PEX1: variants seen among roughly 807,000 people sequenced by gnomAD.
PEX1 encodes peroxisomal ATPase PEX1.
In PEX1, 97 loss-of-function variants were observed where a neutral mutation model predicts 152.5. The observed-to-expected ratio is 0.64, with a 90% CI of 0.54 to 0.75. PEX1 has a LOEUF of 0.75. PEX1 is among the 30% of genes least tolerant of loss of function. PEX1 has a pLI of 0.00. For missense variants in PEX1, 1,357 were observed against 1,516.3 expected, an observed-to-expected ratio of 0.89 and a Z score of 1.74; for synonymous variants, 485 against 531.6, an observed-to-expected ratio of 0.91 and a Z score of 1.21.
At chr7:92,517,207 T>G (rs1013341229) in intron 5 of PEX1, 69 bp downstream of exon 5, 16 of 1,171,728 alleles carry the variant, frequency 1.4e-5, no homozygotes, top group Non-Finnish European at 1.3e-6. Flanking sequence ...TGAAATACTA[T>G]TCTAATTCAT....
chr7:92,522,634 T>A (rs1793101448), intron 1 of PEX1, among the ~76,000 whole-genome samples: 1 of 152,232 alleles, frequency 6.6e-6, no homozygotes, highest in Non-Finnish European at 1.5e-5. Context: ...TCTATGATAG[T>A]GAACACTTGA....
chr7:92,514,014 T>C (rs2116221970), intron 5 of PEX1, 47 bp from the exon 6 acceptor site: 6 of 1,227,716 alleles, frequency 4.9e-6, no homozygotes, highest in African/African-American at 3.0e-5. Context: ...CAAAGCTTGG[T>C]TAAGAAATAT....
chr7:92,499,663 A>G, intron 16 of PEX1, 41 bp downstream of exon 16: 1 of 1,543,534 alleles, frequency 6.5e-7, no homozygotes, highest in South Asian at 1.1e-5. Flanking sequence ...ATTTATGTTA[A>G]TTTTACCTAA....
intron 5 of PEX1, among the ~76,000 whole-genome samples, chr7:92,516,325 G>T (rs890890487): frequency 6.6e-6 from 1 of 152,084 alleles, no homozygotes; most frequent in Non-Finnish European, 1.5e-5. Context: ...TACTCAGGAG[G>T]CTGAGGCAGG....
chr7:92,503,502 T>C (rs1792034613), intron 12 of PEX1, among the ~76,000 whole-genome samples: 1 of 152,202 alleles, frequency 6.6e-6, no homozygotes, highest in Non-Finnish European at 1.5e-5. Context: ...TAAAAATTTG[T>C]CTCTGAAATA....
In PEX1 at chr7:92,494,565, C is replaced by G; in HGVS notation, c.2848G>C (p.Gly950Arg). 1 of 1,613,896 alleles carries G rather than the reference C, an allele frequency of 6.2e-7. No individual in the cohort carries two copies. The highest frequency in any genetic ancestry group is 8.5e-7 in the Non-Finnish European group (1 of 1,179,854). ...DEFESIAPRR[G>R]HDNTGVTDRV... ...TCTGTAACTCCTGTATTATCATGAC[C>G]CCGCCGAGGAGCAATGGATTCAAAT... The change falls in exon 18 of 24, where the codon GGT becomes CGT. Residue 950 changes from glycine (G) to arginine (R), a missense_variant. By Grantham distance (125) the Gly-to-Arg change is moderately radical (BLOSUM62 -2). Coordinates refer to ENST00000248633, the MANE Select transcript of PEX1 (RefSeq NM_000466.3).
At chr7:92,493,735 G>C (rs2116086015) in intron 19 of PEX1, 1 of 153,744 alleles carries the variant, frequency 6.5e-6, no homozygotes, top group Admixed American at 6.5e-5. Context: ...GTGCCAAGAA[G>C]GTATTTCAAA....
chr7:92,506,791 C>A (rs964297811), intron 10 of PEX1: 9 of 602,948 alleles, frequency 1.5e-5, no homozygotes, highest in Non-Finnish European at 2.0e-5. Flanking sequence ...GAACATCAGT[C>A]TTATTCGTCA....
intron 16 of PEX1, among the ~76,000 whole-genome samples, chr7:92,499,270 CA>C (rs771074708): frequency 9.2e-5 from 14 of 152,280 alleles, no homozygotes; most frequent in Non-Finnish European, 1.8e-4. Context: ...TGAATATTTA[CA>C]GCAACATTAT....
chr7:92,510,052 G>A (rs747196207), intron 8 of PEX1, among the ~76,000 whole-genome samples: 4 of 151,920 alleles, frequency 2.6e-5, no homozygotes, highest in Non-Finnish European at 5.9e-5. Context: ...GCTGAGGCAG[G>A]AGAATCACTT....
chr7:92,520,344 T>C (rs1414956879), intron 2 of PEX1, among the ~76,000 whole-genome samples: 1 of 152,212 alleles, frequency 6.6e-6, no homozygotes, highest in Non-Finnish European at 1.5e-5. Flanking sequence ...AATTTTAAGA[T>C]TCTAGCAACA....
Position 92,487,553 on chromosome 7 carries a change from A to G in PEX1, c.3768-12T>C. 7.4e-7 allele frequency: 1 copy of G among 1,357,880 alleles called. No individual in the cohort carries two copies. Among genetic ancestry groups the G allele is most frequent in the Non-Finnish European group, 1.1e-6 (1 of 951,690 alleles). 84.1% of individuals were successfully genotyped at this position (1,357,880 alleles called of 1,614,324 possible). A position where few individuals can be genotyped will look rare whatever the true frequency, so the allele number is the denominator to read the frequency against. On this transcript the variant is annotated splice_polypyrimidine_tract_variant and intron_variant, in intron 23 of 23. Coordinates refer to ENST00000248633, the MANE Select transcript of PEX1 (RefSeq NM_000466.3). ...GAAAGCTTTCATATCTGAAAAAAGA[A>G]AGAGATAATTTAATATGTATAAATA...
intron 2 of PEX1, among the ~76,000 whole-genome samples, chr7:92,521,546 T>C (rs1221928222): frequency 1.3e-5 from 2 of 152,138 alleles, no homozygotes; most frequent in Admixed American, 6.6e-5. Flanking sequence ...GCAATTCTCC[T>C]GCCTCAGCCT....
Position 92,517,380 on chromosome 7 carries a change from C to T in PEX1, c.1135G>A (p.Glu379Lys), listed in dbSNP as rs763604547. The T allele has an allele frequency of 1.1e-5, 17 of 1,613,696 alleles. No homozygotes were observed. The highest frequency in any genetic ancestry group is 1.4e-5 in the Non-Finnish European group (17 of 1,179,882). The change falls in exon 5 of 24, where the codon GAG becomes AAG. Residue 379 changes from glutamate to lysine, a missense_variant. Coordinates refer to ENST00000248633, the MANE Select transcript of PEX1 (RefSeq NM_000466.3). ...KIRSDHNEED[E>K]KACVLQVVWN... is the part of the protein sequence containing the mutation. ...ACTACTTGTAGCACACAGGCCTTCT[C>T]ATCTTCTTCATTATGATCTGACCTA... is the stretch of plus-strand genomic sequence containing the variant.
At position 92,487,348 on chromosome 7, in the gene PEX1, C is replaced by A; in HGVS notation, c.*109G>T. 1 of 646,376 alleles carries A rather than the reference C, an allele frequency of 1.5e-6. No homozygotes were observed. Among genetic ancestry groups the A allele is most frequent in the Non-Finnish European group, 2.8e-6 (1 of 361,980 alleles). The allele number at this position is 646,376 out of a possible 1,614,324, so 40.0% of individuals were successfully genotyped here. ...CCAATCTGTGATTTTATAAATTAAC[C>A]AAATTTGTTAAATTAAGAAGAAATT... On this transcript the variant is annotated 3_prime_UTR_variant, in exon 24 of 24. Transcript: ENST00000248633.
chr7:92,522,180 ATGCC>A lies in PEX1; in HGVS notation c.191_194del (p.Arg64IlefsTer67). ...CCACATTTTCACCTTGATCACTAAA[ATGCC>A]TGCCTTCCACCCAGCTCAAGAATGC... On this transcript the variant is annotated frameshift_variant, in exon 2 of 24. Transcript: ENST00000248633. LOFTEE classifies it high-confidence loss of function. The A allele has an allele frequency of 6.2e-7, 1 of 1,614,132 alleles. No homozygotes were observed. The highest frequency in any genetic ancestry group is 8.5e-7 in the Non-Finnish European group (1 of 1,179,990).
intron 21 of PEX1, among the ~76,000 whole-genome samples, chr7:92,490,865 T>C (rs1178868795): frequency 3.9e-5 from 6 of 152,350 alleles, no homozygotes; most frequent in Admixed American, 1.3e-4. Flanking sequence ...GTGCTTACTA[T>C]GCAGCAAAAG....
chr7:92,493,175 A>C, intron 19 of PEX1, 46 bp from the exon 20 acceptor site: 1 of 1,058,184 alleles, frequency 9.5e-7, no homozygotes, highest in Non-Finnish European at 1.4e-6. Flanking sequence ...TAAAATTAAA[A>C]ATATTATCTT....
rs756247134 is a variant in PEX1 at position 92,511,596 on chromosome 7, C to T, written c.1467G>A (p.Lys489=). 6.2e-7 allele frequency: 1 copy of T among 1,611,262 alleles called. No homozygotes were observed. Among genetic ancestry groups the T allele is most frequent in the East Asian group, 2.2e-5 (1 of 44,844 alleles). The part of the protein sequence containing the change: ...PLVISEEEFI[K]LETKDGLKEF... ...TGTACTCACCATCTTTAGTTTCCAG[C>T]TTAATAAATTCTTCCTCTGATATTA... Residue 489 remains lysine (K), a synonymous_variant, in exon 7 of 24, where the codon AAG becomes AAA. Coordinates refer to ENST00000248633, the MANE Select transcript of PEX1 (RefSeq NM_000466.3).
Sources: allele counts gnomAD v4.1 joint callset (sites outside exome capture counted in the v4.1 genomes callset), GRCh38; gene constraint gnomAD v4.1.1; transcripts MANE v1.5; gene names NCBI Gene and HGNC (gene_info 2026-07-23, HGNC 2026-07-21).